Variants in RALGAPA1 observed in about 807,000 individuals in gnomAD.
RALGAPA1 encodes Ral GTPase activating protein catalytic subunit alpha 1.
Under a neutral mutation model 269.6 loss-of-function variants are expected in RALGAPA1, and 52 were observed. That is an observed-to-expected ratio of 0.19 (90% CI 0.15 to 0.24). RALGAPA1 has a LOEUF of 0.24. Ranked by LOEUF, RALGAPA1 falls within the 10% of genes least tolerant of loss-of-function variation. The probability of loss-of-function intolerance (pLI) is 1.00; values close to 1 mark genes in which losing one functional copy is unlikely to be tolerated. For synonymous variants in RALGAPA1, 817 were observed against 1,008.3 expected (o/e 0.81, Z 3.60); for missense variants, 1,917 against 3,013.9 (o/e 0.64, Z 8.52).
chr14:35,563,113 G>C (rs2056422191), intron 39 of RALGAPA1, among the ~76,000 whole-genome samples: 1 of 145,664 alleles, frequency 6.9e-6, no homozygotes, highest in African/African-American at 2.5e-5. Flanking sequence ...GTTCTAATTA[G>C]AATAAATTAC....
At chr14:35,678,175 C>G (rs1384405890) in intron 21 of RALGAPA1, 73 bp from the exon 22 acceptor site, 1 of 1,409,428 alleles carries the variant, frequency 7.1e-7, no homozygotes, top group Non-Finnish European at 9.5e-7. Flanking sequence ...GCTTAACACC[C>G]TAAATAAAAG....
intron 2 of RALGAPA1, among the ~76,000 whole-genome samples, 163 bp from the exon 3 acceptor site, chr14:35,775,218 T>C (rs2074932288): frequency 6.6e-6 from 1 of 152,222 alleles, no homozygotes; most frequent in Non-Finnish European, 1.5e-5. Context: ...GTCACTCTCT[T>C]TACTCTTTTG....
In RALGAPA1 at chr14:35,572,555, C is replaced by T. The variant is rs1229400397; in HGVS notation, c.7368+5G>A. 8.2e-6 allele frequency: 13 copies of T among 1,594,320 alleles called. No individual in the cohort carries two copies. The highest frequency in any genetic ancestry group is 1.1e-5 in the Non-Finnish European group (13 of 1,171,970). On this transcript the variant is annotated splice_donor_5th_base_variant and intron_variant, in intron 38 of 41. Coordinates refer to ENST00000680220, the MANE Select transcript of RALGAPA1 (RefSeq NM_001346249.2). ...TTACTAAAATGGAAGATAAGGAGTT[C>T]TTACCTCTGGTTTTTTCATTATCTG...
At chr14:35,675,035 A>G (rs2064825362) in intron 22 of RALGAPA1, among the ~76,000 whole-genome samples, 1 of 152,104 alleles carries the variant, frequency 6.6e-6, no homozygotes, top group Admixed American at 6.5e-5. Flanking sequence ...ACATACTCTC[A>G]CTTTTATCTA....
At chr14:35,792,791 A>G (rs1229302471) in intron 1 of RALGAPA1, among the ~76,000 whole-genome samples, 6 of 146,926 alleles carry the variant, frequency 4.1e-5, no homozygotes, top group East Asian at 2.1e-4. Context: ...AAAAAAAAAA[A>G]AAAGAAAGAA....
intron 28 of RALGAPA1, among the ~76,000 whole-genome samples, chr14:35,657,347 C>T (rs1028992830): frequency 4.0e-5 from 6 of 151,734 alleles, no homozygotes; most frequent in Admixed American, 1.3e-4. Context: ...CGCTACGACA[C>T]CTGGCTAATT....
intron 41 of RALGAPA1, among the ~76,000 whole-genome samples, chr14:35,544,381 C>A (rs908406587): frequency 6.6e-6 from 1 of 152,066 alleles, no homozygotes; most frequent in African/African-American, 2.4e-5. Flanking sequence ...AAGATCATGC[C>A]CTCTGAAATC....
intron 10 of RALGAPA1, 78 bp from the exon 11 acceptor site, chr14:35,742,643 A>G: frequency 1.0e-6 from 1 of 984,934 alleles, no homozygotes; most frequent in Non-Finnish European, 1.6e-6. Flanking sequence ...TGTTTTTCAC[A>G]TCACATCATA....
intron 35 of RALGAPA1, among the ~76,000 whole-genome samples, chr14:35,612,946 T>G (rs1474185166): frequency 6.6e-6 from 1 of 152,122 alleles, no homozygotes; most frequent in African/African-American, 2.4e-5. Flanking sequence ...GATGCCATCA[T>G]GAAAGTGAAA....
At chr14:35,711,343 G>T (rs1595259016) in intron 16 of RALGAPA1, among the ~76,000 whole-genome samples, 1 of 151,930 alleles carries the variant, frequency 6.6e-6, no homozygotes, top group South Asian at 2.1e-4. Flanking sequence ...TATTTTACAT[G>T]ATTCTATTTT....
In RALGAPA1 at chr14:35,742,464, C is replaced by T. The variant is rs1049835368; in HGVS notation, c.1353G>A (p.Glu451=). The T allele has an allele frequency of 8.7e-6, 14 of 1,603,106 alleles. No homozygotes were observed. The highest frequency in any genetic ancestry group is 1.1e-5 in the Non-Finnish European group (13 of 1,170,720). ...AAGAAGTGATCACAATTTCTTCAGG[C>T]TCTTGCATGAACAAAGGTTTTTCCT... is the stretch of plus-strand genomic sequence containing the variant. ...QQEEKPLFMQ[E]PEEIVITSSD... The change falls in exon 11 of 42, where the codon GAG becomes GAA. Residue 451 remains glutamate, a synonymous_variant. Coordinates refer to ENST00000680220, the MANE Select transcript of RALGAPA1 (RefSeq NM_001346249.2).
chr14:35,627,954 G>A lies in RALGAPA1; in HGVS notation c.5996-3C>T, dbSNP rs748070628. 6 of 1,540,622 alleles carry A rather than the reference G, an allele frequency of 3.9e-6. No individual in the cohort carries two copies. Among genetic ancestry groups the A allele is most frequent in the Middle Eastern group, 1.7e-4 (1 of 5,754 alleles). ...TCCATGCTGCATTTGAGTTTTCACTGGAAATAAAAAATATAAATGAATGGG... is the reference window on the plus strand; with the variant it reads ...TCCATGCTGCATTTGAGTTTTCACTAGAAATAAAAAATATAAATGAATGGG... On this transcript the variant is annotated splice_region_variant and splice_polypyrimidine_tract_variant and intron_variant, in intron 33 of 41. Transcript: ENST00000680220.
At chr14:35,702,044 A>T (rs184250466) in intron 16 of RALGAPA1, among the ~76,000 whole-genome samples, 2 of 152,270 alleles carry the variant, frequency 1.3e-5, no homozygotes, top group Non-Finnish European at 2.9e-5. Context: ...CAAAACTTAC[A>T]ATCTATTTTT....
chr14:35,771,615 C>T (rs1595502255), intron 3 of RALGAPA1, among the ~76,000 whole-genome samples: 1 of 152,250 alleles, frequency 6.6e-6, no homozygotes, highest in Middle Eastern at 3.4e-3. Context: ...TGATTAAATG[C>T]TAATTCTAAT....
chr14:35,731,445 C>A (rs1199680205), intron 12 of RALGAPA1, among the ~76,000 whole-genome samples: 1 of 152,036 alleles, frequency 6.6e-6, no homozygotes, highest in Admixed American at 6.5e-5. Flanking sequence ...CAGGGACACA[C>A]CAGAGAAAGG....
At chr14:35,764,090 CTTT>C (rs5807843) in intron 4 of RALGAPA1, among the ~76,000 whole-genome samples, 2 of 137,874 alleles carry the variant, frequency 1.5e-5, no homozygotes, top group Admixed American at 7.2e-5. Context: ...TTTAGTTGTT[CTTT>C]TTTTTTTTTT....
At chr14:35,617,136 T>C (rs2060301885) in intron 35 of RALGAPA1, among the ~76,000 whole-genome samples, 1 of 152,170 alleles carries the variant, frequency 6.6e-6, no homozygotes, top group African/African-American at 2.4e-5. Context: ...TAGGAGTAGA[T>C]TAAGGTAAAG....
In RALGAPA1 at chr14:35,570,617, A is replaced by C. The variant is rs778462166; in HGVS notation, c.7496T>G (p.Phe2499Cys). ...LKSLIPLYQNFYEERARYLQT... is the reference protein window; with the variant it reads ...LKSLIPLYQNCYEERARYLQT... The stretch of plus-strand genomic sequence containing the variant: ...AACCATTACATTAAAAAAAGGATAC[A>C]AGTTTTGATACAATGGAATCAGAGA... Residue 2499 changes from phenylalanine to cysteine, a missense_variant and splice_region_variant, in exon 39 of 42, where the codon TTC becomes TGC. Phe to Cys is a radical substitution (Grantham distance 205, BLOSUM62 -2). This residue lies in a region of RALGAPA1 where 91 missense variants were observed against 130.9 expected (regional missense o/e 0.70). Coordinates refer to ENST00000680220, the MANE Select transcript of RALGAPA1 (RefSeq NM_001346249.2). The C allele has an allele frequency of 1.3e-6, 2 of 1,598,132 alleles. No homozygotes were observed. Among genetic ancestry groups the C allele is most frequent in the Non-Finnish European group, 1.7e-6 (2 of 1,175,614 alleles).
At chr14:35,616,724 T>C (rs1396312175) in intron 35 of RALGAPA1, among the ~76,000 whole-genome samples, 1 of 152,228 alleles carries the variant, frequency 6.6e-6, no homozygotes, top group Non-Finnish European at 1.5e-5. Context: ...AAGTTAAATT[T>C]AAATTTAATC....
Sources: allele counts gnomAD v4.1 joint callset (sites outside exome capture counted in the v4.1 genomes callset), GRCh38; gene constraint gnomAD v4.1.1; regional missense constraint gnomAD v4.1.1; transcripts MANE v1.5; gene names NCBI Gene and HGNC (gene_info 2026-07-23, HGNC 2026-07-21).